The following MAGI2 variants were observed in gnomAD, a reference collection of about 807,000 sequenced individuals.
MAGI2 encodes membrane-associated guanylate kinase, WW and PDZ domain-containing protein 2.
Under a neutral mutation model 133.3 loss-of-function variants are expected in MAGI2, and 35 were observed. The observed-to-expected ratio is 0.26, with a 90% CI of 0.20 to 0.35. The LOEUF is 0.35. MAGI2 is among the 10% of genes least tolerant of loss of function. MAGI2 has a pLI of 1.00. For synonymous variants in MAGI2, 729 were observed against 710.6 expected, an observed-to-expected ratio of 1.03 and a Z score of -0.41; for missense variants, 1,636 against 1,863.4, an observed-to-expected ratio of 0.88 and a Z score of 2.25.
chr7:78,331,641 C>T (rs1225908084), intron 9 of MAGI2, among the ~76,000 whole-genome samples: 1 of 152,162 alleles, frequency 6.6e-6, no homozygotes, highest in Non-Finnish European at 1.5e-5. Context: ...GATGTTAACC[C>T]CATATCTTCC....
chr7:79,162,207 T>C (rs1057132593), intron 1 of MAGI2, among the ~76,000 whole-genome samples: 1 of 152,078 alleles, frequency 6.6e-6, no homozygotes, highest in Non-Finnish European at 1.5e-5. Flanking sequence ...TAATTTTTCA[T>C]CATATTTTTA....
At chr7:79,072,495 C>T (rs1815078013) in intron 1 of MAGI2, among the ~76,000 whole-genome samples, 1 of 152,038 alleles carries the variant, frequency 6.6e-6, no homozygotes, top group African/African-American at 2.4e-5. Flanking sequence ...AATGAATTTT[C>T]CTTTCTAATT....
chr7:79,170,254 C>T (rs74846550), intron 1 of MAGI2, among the ~76,000 whole-genome samples: 8,094 of 147,536 alleles, frequency 0.055, 444 homozygotes, highest in East Asian at 0.15. Context: ...GCAATTTTCC[C>T]AGGCACCTTA....
At chr7:78,556,826 C>T (rs988474596) in intron 3 of MAGI2, among the ~76,000 whole-genome samples, 19 of 152,054 alleles carry the variant, frequency 1.2e-4, no homozygotes, top group Non-Finnish European at 2.2e-4. Flanking sequence ...TGGTGGCTCA[C>T]GCCTGTAATC....
At chr7:78,177,871 A>G (rs1826811079) in intron 14 of MAGI2, 140 bp downstream of exon 14, 1 of 433,164 alleles carries the variant, frequency 2.3e-6, no homozygotes. Context: ...AACAGCAAGG[A>G]AAAAAAAAAT....
intron 1 of MAGI2, among the ~76,000 whole-genome samples, chr7:79,321,345 T>A (rs1839165404): frequency 6.6e-6 from 1 of 152,194 alleles, no homozygotes; most frequent in Non-Finnish European, 1.5e-5. Flanking sequence ...CTTTTTTTAG[T>A]GCTTTGACAT....
chr7:78,744,250 A>T (rs1822718150), intron 2 of MAGI2, among the ~76,000 whole-genome samples: 1 of 152,220 alleles, frequency 6.6e-6, no homozygotes, highest in South Asian at 2.1e-4. Context: ...AAGAAAAAAT[A>T]GTCACCATTA....
Position 78,894,634 on chromosome 7 carries a change from A to C in MAGI2, c.418+112456T>G, listed in dbSNP as rs141169094. On this transcript the variant is annotated intron_variant, in intron 2 of 21. Coordinates refer to ENST00000354212, the MANE Select transcript of MAGI2 (RefSeq NM_012301.4). ...AATGCAAATTTTTACAAAATCCCCA[A>C]GAAACCAGTTTAAATTTAAGATTAA... Among the ~76,000 whole-genome samples the C allele has an allele frequency of 1.9e-3, 288 of 152,322 alleles. 4 individuals carry two copies. The East Asian group carries it at 0.047, about 25-fold the overall frequency.
chr7:78,599,905 C>G (rs1805007197), intron 3 of MAGI2, among the ~76,000 whole-genome samples: 1 of 152,122 alleles, frequency 6.6e-6, no homozygotes, highest in Admixed American at 6.6e-5. Context: ...CTGCATTTGC[C>G]AGAGAGAACC....
At chr7:78,685,635 G>A (rs528786247) in intron 2 of MAGI2, among the ~76,000 whole-genome samples, 2 of 134,108 alleles carry the variant, frequency 1.5e-5, no homozygotes, top group East Asian at 3.0e-4. Context: ...TTATATATAC[G>A]TAACCTATAT....
At chr7:78,764,157 TCTA>T (rs749703620) in intron 2 of MAGI2, among the ~76,000 whole-genome samples, 5 of 152,226 alleles carry the variant, frequency 3.3e-5, no homozygotes, top group Non-Finnish European at 5.9e-5. Flanking sequence ...AAATGGAAAT[TCTA>T]CTATCTATCA....
chr7:79,385,615 G>T (rs1445664928), intron 1 of MAGI2, among the ~76,000 whole-genome samples: 3 of 151,760 alleles, frequency 2.0e-5, no homozygotes, highest in African/African-American at 7.3e-5. Context: ...ATATAAGTGA[G>T]ATCATGCCGT....
At position 78,656,327 on chromosome 7, in the gene MAGI2, G is replaced by T. The variant is rs73701651; in HGVS notation, c.419-29088C>A. Among the ~76,000 whole-genome samples, 1,006 of 152,178 alleles carry T rather than the reference G, an allele frequency of 6.6e-3. 14 individuals are homozygous for T. Among genetic ancestry groups the T allele is most frequent in the African/African-American group, 0.023 (971 of 41,510 alleles). ...AGATGAATGGATAAAGAAAATGTTG[G>T]GTATCCATATACAATGAAATGTTAT... On this transcript the variant is annotated intron_variant, in intron 2 of 21. Transcript: ENST00000354212.
intron 5 of MAGI2, among the ~76,000 whole-genome samples, chr7:78,501,136 T>A (rs2150524220): frequency 6.6e-6 from 1 of 152,314 alleles, no homozygotes; most frequent in Admixed American, 6.5e-5. Flanking sequence ...TTTTCTTTTG[T>A]GACCTATTAC....
intron 9 of MAGI2, among the ~76,000 whole-genome samples, chr7:78,293,880 A>G (rs1584757210): frequency 6.6e-6 from 1 of 152,192 alleles, no homozygotes; most frequent in African/African-American, 2.4e-5. Context: ...GTGGGAATTG[A>G]ACAATGAGAA....
chr7:78,111,747 A>G (rs1819385374), intron 20 of MAGI2, among the ~76,000 whole-genome samples: 1 of 152,240 alleles, frequency 6.6e-6, no homozygotes, highest in Non-Finnish European at 1.5e-5. Flanking sequence ...AATAAAGGGA[A>G]AAGAACTCAT....
chr7:78,258,901 C>T (rs184165252), intron 9 of MAGI2, among the ~76,000 whole-genome samples: 1 of 152,206 alleles, frequency 6.6e-6, no homozygotes, highest in Admixed American at 6.5e-5. Flanking sequence ...CTGCTATGAA[C>T]CCCATGCTGG....
intron 2 of MAGI2, among the ~76,000 whole-genome samples, chr7:78,704,179 G>A (rs1818365067): frequency 6.6e-6 from 1 of 152,028 alleles, no homozygotes; most frequent in Non-Finnish European, 1.5e-5. Flanking sequence ...TCTGACAAAG[G>A]TCTAATATTC....
chr7:78,830,264 CTATT>C (rs1196134686), intron 2 of MAGI2, among the ~76,000 whole-genome samples: 2 of 152,082 alleles, frequency 1.3e-5, no homozygotes, highest in African/African-American at 4.8e-5. Context: ...TGAAAGAAAA[CTATT>C]TATGAAAATT....
Sources: allele counts gnomAD v4.1 joint callset (sites outside exome capture counted in the v4.1 genomes callset), GRCh38; gene constraint gnomAD v4.1.1; transcripts MANE v1.5; gene names NCBI Gene and HGNC (gene_info 2026-07-23, HGNC 2026-07-21).